The following CR1 variants were observed in gnomAD, a reference collection of about 807,000 sequenced individuals.
CR1 encodes complement C3b/C4b receptor 1 (Knops blood group).
In CR1, 116 loss-of-function variants were observed where a neutral mutation model predicts 187.3. That is an observed-to-expected ratio of 0.62 (90% confidence interval 0.53 to 0.72). The LOEUF (loss-of-function observed/expected upper bound fraction) is 0.72, where lower values mean the gene tolerates loss of function less well. Ranked by LOEUF, CR1 falls within the 30% of genes least tolerant of loss-of-function variation. The pLI, the probability that CR1 is intolerant of heterozygous loss-of-function variation, is 0.00. For missense variants in CR1, 1,731 were observed against 2,110.7 expected, an observed-to-expected ratio of 0.82 and a Z score of 3.52; for synonymous variants, 576 against 747.1, an observed-to-expected ratio of 0.77 and a Z score of 3.73.
At chr1:207,566,703 T>A (rs1403752769) in intron 24 of CR1, among the ~76,000 whole-genome samples, 5 of 150,228 alleles carry the variant, frequency 3.3e-5, no homozygotes, top group Non-Finnish European at 5.9e-5. Flanking sequence ...GTCATTTTTT[T>A]AAAATGAGCC....
Position 207,578,024 on chromosome 1 carries a change from A to C in CR1, c.4757A>C (p.Asn1586Thr). 1 of 1,611,720 alleles carries C rather than the reference A, an allele frequency of 6.2e-7. No individual in the cohort carries two copies. The highest frequency in any genetic ancestry group is 1.1e-5 in the South Asian group (1 of 90,998). ...SGPAPQCIIP[N>T]KCTPPNVENG... ...CCCGCCCCTCAGTGCATTATACCTA[A>C]CAAATGCACGCCTCCAAATGTGGAA... The change falls in exon 29 of 47, where the codon AAC becomes ACC. Residue 1586 changes from asparagine to threonine, a missense_variant. By Grantham distance (65) the Asn-to-Thr change is moderately conservative. Around this residue, in one of 5 missense-constraint regions of CR1, gnomAD observed 1,312 missense variants for 1,379.6 expected, o/e 0.95. Transcript: ENST00000367049.
At chr1:207,627,207 T>C (rs1299404036) in intron 45 of CR1, among the ~76,000 whole-genome samples, 3 of 152,144 alleles carry the variant, frequency 2.0e-5, no homozygotes, top group Admixed American at 1.3e-4. Context: ...ACCCCCACAT[T>C]CCTAGTCTCT....
intron 45 of CR1, among the ~76,000 whole-genome samples, chr1:207,629,253 A>G (rs2102413057): frequency 6.6e-6 from 1 of 152,296 alleles, no homozygotes; most frequent in African/African-American, 2.4e-5. Flanking sequence ...GTTTAGAATG[A>G]TAAAATACTT....
chr1:207,585,774 A>G (rs912981281), intron 33 of CR1, among the ~76,000 whole-genome samples: 6 of 152,326 alleles, frequency 3.9e-5, no homozygotes, highest in African/African-American at 1.4e-4. Flanking sequence ...ACCCCAGTGC[A>G]GGCTTAATGA....
At chr1:207,524,836 T>G (rs1660118604) in intron 5 of CR1, among the ~76,000 whole-genome samples, 2 of 151,886 alleles carry the variant, frequency 1.3e-5, no homozygotes, top group South Asian at 4.1e-4. Flanking sequence ...AAACTTACTC[T>G]AGATACTTTC....
In CR1 at chr1:207,524,302, G is replaced by C. The variant is rs1292870282; in HGVS notation, c.886+293G>C. On this transcript the variant is annotated intron_variant, in intron 5 of 46. Transcript: ENST00000367049. The stretch of plus-strand genomic sequence containing the variant: ...TGATACAAAATGAGTGATTCCTCTG[G>C]CCGGGCACTATAATACAGGCTACAT... 2.4e-4 allele frequency among the ~76,000 whole-genome samples: 37 copies of C among 152,036 alleles called. 2 individuals carry two copies. The highest frequency in any genetic ancestry group is 5.2e-4 in the Admixed American group (8 of 15,292).
intron 35 of CR1, among the ~76,000 whole-genome samples, chr1:207,589,748 A>C (rs1661216148): frequency 6.6e-6 from 1 of 152,230 alleles, no homozygotes; most frequent in Non-Finnish European, 1.5e-5. Context: ...ACTAACTAGA[A>C]TAACCAGTTT....
chr1:207,620,178 T>A, intron 43 of CR1, 113 bp downstream of exon 43: 1 of 1,061,062 alleles, frequency 9.4e-7, no homozygotes, highest in Non-Finnish European at 1.3e-6. Context: ...CTATGAGCTA[T>A]AGAGTACAAT....
intron 35 of CR1, among the ~76,000 whole-genome samples, chr1:207,592,259 C>A (rs1661293806): frequency 6.6e-6 from 1 of 152,222 alleles, no homozygotes; most frequent in African/African-American, 2.4e-5. Flanking sequence ...ATCAAGCTGG[C>A]TTCATCCCTG....
In CR1 at chr1:207,616,779, G is replaced by A. The variant is rs571422599; in HGVS notation, c.6866G>A (p.Arg2289His). The change falls in exon 41 of 47, where the codon CGC becomes CAC. Residue 2289 changes from arginine to histidine, a missense_variant. By Grantham distance (29) the Arg-to-His change is conservative. Coordinates refer to ENST00000367049, the MANE Select transcript of CR1 (RefSeq NM_000651.6). Reference protein sequence around the residue: ...GNGVWSSPAPRCELSVPAACP... With the variant: ...GNGVWSSPAPHCELSVPAACP... ...GGGGTTTGGAGCAGCCCTGCCCCTC[G>A]CTGTGAACTTTCTGTTCCTGCTGGT... 25 of 1,613,838 alleles carry A rather than the reference G, an allele frequency of 1.5e-5. No individual in the cohort carries two copies. Among genetic ancestry groups the A allele is most frequent in the African/African-American group, 4.0e-5 (3 of 75,026 alleles).
intron 46 of CR1, among the ~76,000 whole-genome samples, chr1:207,638,593 G>T (rs981269952): frequency 1.3e-5 from 2 of 152,200 alleles, no homozygotes; most frequent in African/African-American, 4.8e-5. Context: ...TTTCCTGTTG[G>T]ATCAGTGCTT....
chr1:207,498,877 C>CAAAAAAAAA (rs56044498), intron 1 of CR1, among the ~76,000 whole-genome samples: 8,347 of 49,100 alleles, frequency 0.17, 1,153 homozygotes, highest in East Asian at 0.32. Context: ...AACTCCAAAT[C>CAAAAAAAAA]AAAAAAAAAA....
At chr1:207,607,227 A>G in intron 35 of CR1, 24 bp from the exon 36 acceptor site, 1 of 1,572,404 alleles carries the variant, frequency 6.4e-7, no homozygotes, top group Non-Finnish European at 8.8e-7. Context: ...GTAGCGTATA[A>G]CCATTTTCTA....
chr1:207,524,275 G>T (rs1202870606), intron 5 of CR1, among the ~76,000 whole-genome samples: 4 of 152,042 alleles, frequency 2.6e-5, no homozygotes, highest in Non-Finnish European at 2.9e-5. Flanking sequence ...TATAATAATG[G>T]TTGATACAAA....
intron 1 of CR1, among the ~76,000 whole-genome samples, chr1:207,504,504 T>TTTAG (rs34563340): frequency 0.33 from 50,033 of 151,516 alleles, 9,819 homozygotes; most frequent in African/African-American, 0.54. Context: ...ACACAACTCA[T>TTTAG]TATCTAGTAA....
chr1:207,568,023 C>A lies in CR1; in HGVS notation c.4152C>A (p.Ala1384=). Residue 1384 remains alanine, a synonymous_variant, in exon 25 of 47, where the codon GCC becomes GCA. Transcript: ENST00000367049. The part of the protein sequence containing the change: ...PQGNGVWSSP[A]PRCGILGHCQ... ...GGAATGGGGTTTGGAGCAGCCCTGC[C>A]CCTCGCTGTGGAATTCTGGGTTAGT... is the stretch of plus-strand genomic sequence containing the variant. 6.2e-7 allele frequency: 1 copy of A among 1,610,696 alleles called. No individual in the cohort carries two copies. The highest frequency in any genetic ancestry group is 1.1e-5 in the South Asian group (1 of 91,042).
chr1:207,583,564 A>G (rs1661022480), intron 32 of CR1, among the ~76,000 whole-genome samples: 1 of 152,226 alleles, frequency 6.6e-6, no homozygotes, highest in South Asian at 2.1e-4. Context: ...CTATCCATTT[A>G]CTTCTTCACT....
chr1:207,638,448 A>AT (rs56168759), intron 46 of CR1, among the ~76,000 whole-genome samples: 36,084 of 152,096 alleles, frequency 0.24, 6,585 homozygotes, highest in African/African-American at 0.5. Context: ...GTTTAGGCCA[A>AT]TTTTTGGCCA....
At chr1:207,580,184 A>C in intron 29 of CR1, 56 bp from the exon 30 acceptor site, 2 of 1,592,630 alleles carry the variant, frequency 1.3e-6, no homozygotes, top group East Asian at 4.5e-5. Flanking sequence ...GGTCTTCAGG[A>C]AGCATAGGAA....
Sources: allele counts gnomAD v4.1 joint callset (sites outside exome capture counted in the v4.1 genomes callset), GRCh38; gene constraint gnomAD v4.1.1; regional missense constraint gnomAD v4.1.1; transcripts MANE v1.5; gene names NCBI Gene and HGNC (gene_info 2026-07-23, HGNC 2026-07-21).